PARD3B: variants seen among roughly 807,000 people sequenced by gnomAD.
PARD3B encodes par-3 family cell polarity regulator beta, also known as partitioning defective 3 homolog B.
In PARD3B, 103 loss-of-function variants were observed where a neutral mutation model predicts 130.2. That is an observed-to-expected ratio of 0.79 (90% CI 0.67 to 0.93). PARD3B has a LOEUF of 0.93. PARD3B is among the 40% of genes least tolerant of loss of function. The pLI is 0.00. For synonymous variants in PARD3B, 583 were observed against 553.2 expected (o/e 1.05, Z -0.76); for missense variants, 1,609 against 1,499.2 (o/e 1.07, Z -1.21).
At position 205,456,801 on chromosome 2, in the gene PARD3B, T is replaced by C. The variant is rs555198475; in HGVS notation, c.3044+16129T>C. ...TATAATTAAATGTAGTCATAGTATG[T>C]AACTATTTTATATATTTTTAATTGT... On this transcript the variant is annotated intron_variant, in intron 20 of 22. Coordinates refer to ENST00000406610, the MANE Select transcript of PARD3B (RefSeq NM_001302769.2). 1.1e-4 allele frequency among the ~76,000 whole-genome samples: 17 copies of C among 150,202 alleles called. No individual in the cohort carries two copies. The East Asian group carries it at 2.5e-3, about 22-fold the overall frequency.
chr2:204,987,000 T>G lies in PARD3B; in HGVS notation c.394+21677T>G, dbSNP rs144637680. Among the ~76,000 whole-genome samples, 26 of 152,358 alleles carry G rather than the reference T, an allele frequency of 1.7e-4. No homozygotes were observed. In the South Asian group the frequency reaches 2.3e-3, roughly 13 times the overall value. ...TATTCTAAAACAATAGCACAGGTAC[T>G]GAACAAACTTCCCAAGTGTCTAAGG... is the stretch of plus-strand genomic sequence containing the variant. On this transcript the variant is annotated intron_variant, in intron 3 of 22. Transcript: ENST00000406610.
intron 2 of PARD3B, among the ~76,000 whole-genome samples, chr2:204,812,752 C>T (rs2043005593): frequency 6.6e-6 from 1 of 152,156 alleles, no homozygotes; most frequent in Admixed American, 6.5e-5. Flanking sequence ...TCCTGAAATC[C>T]TACTAGGAAG....
chr2:205,143,073 T>C (rs1404852468), intron 10 of PARD3B, among the ~76,000 whole-genome samples: 1 of 152,184 alleles, frequency 6.6e-6, no homozygotes, highest in African/African-American at 2.4e-5. Context: ...ACATAAAGCA[T>C]ATTTTGAAAT....
At chr2:205,433,408 T>C (rs2047403534) in intron 19 of PARD3B, among the ~76,000 whole-genome samples, 1 of 151,920 alleles carries the variant, frequency 6.6e-6, no homozygotes, top group South Asian at 2.1e-4. Flanking sequence ...GACAGGCACC[T>C]GTAATCCCAG....
chr2:205,465,880 G>A (rs1337751473), intron 20 of PARD3B, among the ~76,000 whole-genome samples: 1 of 152,210 alleles, frequency 6.6e-6, no homozygotes, highest in Admixed American at 6.5e-5. Context: ...GTTGAAAGCT[G>A]CCTCCAACCA....
At chr2:205,384,303 G>A (rs1013254591) in intron 18 of PARD3B, among the ~76,000 whole-genome samples, 1 of 151,918 alleles carries the variant, frequency 6.6e-6, no homozygotes. Context: ...CCTCTGGTAG[G>A]AGCACTAATG....
In PARD3B at chr2:205,615,945, G is replaced by GT; in HGVS notation, c.*133dup. ...TGATAAGCTTTTTCTCACTGACATT[G>GT]TAACGCATGACTGCTAATCAGAGAG... On this transcript the variant is annotated 3_prime_UTR_variant, in exon 23 of 23. Coordinates refer to ENST00000406610, the MANE Select transcript of PARD3B (RefSeq NM_001302769.2). The GT allele has an allele frequency of 3.8e-6, 3 of 790,268 alleles. No homozygotes were observed. Among genetic ancestry groups the GT allele is most frequent in the Non-Finnish European group, 6.2e-6 (3 of 486,240 alleles). 49.0% of individuals were successfully genotyped at this position (790,268 alleles called of 1,614,324 possible).
intron 19 of PARD3B, among the ~76,000 whole-genome samples, chr2:205,437,387 A>G (rs998489628): frequency 2.0e-5 from 3 of 152,176 alleles, no homozygotes; most frequent in African/African-American, 7.2e-5. Flanking sequence ...CTTTTAAGGT[A>G]TATATTAAAG....
At chr2:205,367,615 C>T (rs892017126) in intron 18 of PARD3B, among the ~76,000 whole-genome samples, 3 of 152,094 alleles carry the variant, frequency 2.0e-5, no homozygotes, top group African/African-American at 4.8e-5. Flanking sequence ...ATATGATAAA[C>T]AAGAAGATTG....
chr2:204,620,480 A>G (rs1177141498), intron 1 of PARD3B, among the ~76,000 whole-genome samples: 1 of 152,212 alleles, frequency 6.6e-6, no homozygotes, highest in Non-Finnish European at 1.5e-5. Flanking sequence ...GCAGCACTGT[A>G]CTTTAACATC....
chr2:205,221,540 T>C (rs4675504), intron 15 of PARD3B, among the ~76,000 whole-genome samples: 89,010 of 151,878 alleles, frequency 0.59, 26,262 homozygotes, highest in Admixed American at 0.67. Flanking sequence ...CCTAGGGTGC[T>C]CCATGCTGTT....
At chr2:205,587,551 C>G (rs2054242061) in intron 22 of PARD3B, among the ~76,000 whole-genome samples, 1 of 152,160 alleles carries the variant, frequency 6.6e-6, no homozygotes, top group South Asian at 2.1e-4. Context: ...CTAAAAGCTT[C>G]TGGTACCTCA....
At chr2:205,338,708 A>G (rs539319420) in intron 18 of PARD3B, among the ~76,000 whole-genome samples, 1 of 152,372 alleles carries the variant, frequency 6.6e-6, no homozygotes, top group Non-Finnish European at 1.5e-5. Flanking sequence ...CTGATAAGGA[A>G]GTAACCATGA....
intron 3 of PARD3B, among the ~76,000 whole-genome samples, chr2:205,010,311 T>C (rs1214132510): frequency 3.9e-5 from 6 of 152,230 alleles, no homozygotes; most frequent in Admixed American, 3.9e-4. Context: ...CTTTTCCCTG[T>C]AGTCATCCCT....
At chr2:204,552,327 G>A (rs2030523308) in intron 1 of PARD3B, among the ~76,000 whole-genome samples, 1 of 152,098 alleles carries the variant, frequency 6.6e-6, no homozygotes, top group African/African-American at 2.4e-5. Flanking sequence ...TTGAGAGTAA[G>A]CCCAGGTTGG....
rs1302900758 is a variant in PARD3B, at chr2:205,460,351, A to G, written c.3044+19679A>G. On this transcript the variant is annotated intron_variant, in intron 20 of 22. Transcript: ENST00000406610. This position sits in a 1 kb window ranked among gnomAD's most constrained non-coding sequence, Gnocchi z 4.9. ...TGCTCAGATGTGAGTTTCAGGATCTAGAAACACAATATGAGGATTATCAAG... is the reference window on the plus strand; with the variant it reads ...TGCTCAGATGTGAGTTTCAGGATCTGGAAACACAATATGAGGATTATCAAG... Among the ~76,000 whole-genome samples, 1 of 152,018 alleles carries G rather than the reference A, an allele frequency of 6.6e-6. No individual in the cohort carries two copies. Among genetic ancestry groups the G allele is most frequent in the East Asian group, 1.9e-4 (1 of 5,174 alleles).
rs995976203 is a variant in PARD3B at position 204,628,624 on chromosome 2, A to T, written c.121-57557A>T. Among the ~76,000 whole-genome samples the T allele has an allele frequency of 2.0e-5, 3 of 152,184 alleles. No individual in the cohort carries two copies. The South Asian group carries it at 6.2e-4, about 32-fold the overall frequency. The stretch of plus-strand genomic sequence containing the variant: ...TCATTTTCTGACCATCTGACACTCA[A>T]GGTTAGGGAAAGTTGAACATACATA... On this transcript the variant is annotated intron_variant, in intron 1 of 22. Coordinates refer to ENST00000406610, the MANE Select transcript of PARD3B (RefSeq NM_001302769.2).
Position 205,463,125 on chromosome 2 carries a change from C to T in PARD3B, c.3044+22453C>T, listed in dbSNP as rs1244151160. Among the ~76,000 whole-genome samples the T allele has an allele frequency of 6.6e-6, 1 of 152,078 alleles. No homozygotes were observed. The highest frequency in any genetic ancestry group is 6.5e-5 in the Admixed American group (1 of 15,274). ...CCCTTATTTGGTTTGAACTGACTCA[C>T]CTAATTGGGGTCAACCACTGAAAAA... On this transcript the variant is annotated intron_variant, in intron 20 of 22. Transcript: ENST00000406610. This position sits in a 1 kb window ranked among gnomAD's most constrained non-coding sequence, Gnocchi z 4.8.
chr2:205,237,792 CT>C (rs2039136132), intron 15 of PARD3B, among the ~76,000 whole-genome samples: 1 of 152,070 alleles, frequency 6.6e-6, no homozygotes, highest in Non-Finnish European at 1.5e-5. Flanking sequence ...ATATATTTTT[CT>C]ACATTTCTAA....
Sources: gnomAD v4.1 joint callset for allele counts (sites outside exome capture counted in the v4.1 genomes callset) on GRCh38, gnomAD v4.1.1 for gene constraint, Gnocchi (gnomAD v3.1) non-coding constraint, MANE v1.5 for transcripts, NCBI Gene and HGNC (gene_info 2026-07-23, HGNC 2026-07-21) for gene names.